GABRG3: variants seen among roughly 807,000 people sequenced by gnomAD.
GABRG3 encodes gamma-aminobutyric acid receptor subunit gamma-3.
A neutral mutation model predicts 48.8 loss-of-function variants in GABRG3; 25 were observed. The ratio of observed to expected loss-of-function variants is 0.51; its 90% CI spans 0.37 to 0.72. GABRG3 has a LOEUF of 0.72. Ranked by LOEUF, GABRG3 falls within the 30% of genes least tolerant of loss-of-function variation. The pLI is 0.00. For synonymous variants in GABRG3, 227 were observed against 217.6 expected (o/e 1.04, Z -0.38); for missense variants, 394 against 577.9 (o/e 0.68, Z 3.26).
rs563556932 is a variant in GABRG3 at position 27,087,887 on chromosome 15, G to GGT, written c.270+61076_270+61077dup. ...GTGGGGTGTGTGTGGTGTGCTATGG[G>GGT]GTGTGTGTGTGCATGTGTGAGTGTG... On this transcript the variant is annotated intron_variant, in intron 3 of 9. Transcript: ENST00000615808. Among the ~76,000 whole-genome samples the GGT allele has an allele frequency of 2.3e-3, 344 of 149,510 alleles. 3 individuals are homozygous for GGT. The highest frequency in any genetic ancestry group is 7.6e-3 in the African/African-American group (310 of 40,586).
intron 3 of GABRG3, among the ~76,000 whole-genome samples, chr15:27,137,924 A>C (rs1898038174): frequency 6.6e-6 from 1 of 152,142 alleles, no homozygotes; most frequent in African/African-American, 2.4e-5. Flanking sequence ...GCTGTGACAA[A>C]GTCTTTGTTA....
intron 2 of GABRG3, among the ~76,000 whole-genome samples, chr15:27,024,488 A>G (rs1879541744): frequency 6.6e-6 from 1 of 152,180 alleles, no homozygotes; most frequent in African/African-American, 2.4e-5. Context: ...TTTATGGCAT[A>G]AGGTAAGGGT....
chr15:27,151,470 T>C (rs1044523540), intron 3 of GABRG3, among the ~76,000 whole-genome samples: 1 of 152,004 alleles, frequency 6.6e-6, no homozygotes, highest in Non-Finnish European at 1.5e-5. Flanking sequence ...CTGGGCAGAA[T>C]AAGAGCCTAC....
intron 3 of GABRG3, among the ~76,000 whole-genome samples, chr15:27,278,536 A>G (rs1724804888): frequency 6.6e-6 from 1 of 152,106 alleles, no homozygotes; most frequent in South Asian, 2.1e-4. Flanking sequence ...TGGGTTTTGA[A>G]TTGAATTGTA....
At chr15:27,102,110 C>T (rs2140365536) in intron 3 of GABRG3, among the ~76,000 whole-genome samples, 1 of 152,322 alleles carries the variant, frequency 6.6e-6, no homozygotes, top group Non-Finnish European at 1.5e-5. Flanking sequence ...TGTGGGATGT[C>T]TTCCAAAGTG....
chr15:27,283,473 G>A lies in GABRG3; in HGVS notation c.271-43336G>A, dbSNP rs116432189. Among the ~76,000 whole-genome samples, 1,043 of 152,250 alleles carry A rather than the reference G, an allele frequency of 6.9e-3. 13 individuals carry two copies. Among genetic ancestry groups the A allele is most frequent in the African/African-American group, 0.024 (998 of 41,552 alleles). ...ACAAAAATTAGCCAGGCTTGATGGTGTGTGCTTGTAATCCCAGCTATCTGG... is the reference window on the plus strand; with the variant it reads ...ACAAAAATTAGCCAGGCTTGATGGTATGTGCTTGTAATCCCAGCTATCTGG... On this transcript the variant is annotated intron_variant, in intron 3 of 9. Transcript: ENST00000615808.
chr15:27,262,099 A>G (rs1487779056), intron 3 of GABRG3, among the ~76,000 whole-genome samples: 2 of 152,216 alleles, frequency 1.3e-5, no homozygotes, highest in African/African-American at 4.8e-5. Flanking sequence ...GAAGTCAATG[A>G]TAAACATCCT....
At chr15:27,094,122 C>T (rs1897236414) in intron 3 of GABRG3, among the ~76,000 whole-genome samples, 1 of 152,164 alleles carries the variant, frequency 6.6e-6, no homozygotes, top group Non-Finnish European at 1.5e-5. Context: ...GCCCACAGAC[C>T]TGAATTAAGC....
chr15:27,270,357 C>T lies in GABRG3; in HGVS notation c.271-56452C>T, dbSNP rs541740009. Among the ~76,000 whole-genome samples the T allele has an allele frequency of 2.6e-4, 39 of 152,120 alleles. No homozygotes were observed. The South Asian group carries it at 4.8e-3, about 19-fold the overall frequency. ...CGTTGGTGTTGGTGTGGAGCTTGAC[C>T]GTGCCAGTTTGTTTAGTAGAGTCCC... On this transcript the variant is annotated intron_variant, in intron 3 of 9. Transcript: ENST00000615808.
At position 27,263,243 on chromosome 15, in the gene GABRG3, G is replaced by T. The variant is rs528857794; in HGVS notation, c.271-63566G>T. On this transcript the variant is annotated intron_variant, in intron 3 of 9. Transcript: ENST00000615808. ...TTTAAATTTAGCACAGAAATGTGGC[G>T]TTACAGCCAGAATCTTGTTTTCCAG... Among the ~76,000 whole-genome samples, 8 of 152,316 alleles carry T rather than the reference G, an allele frequency of 5.3e-5. No individual in the cohort carries two copies. In the South Asian group the frequency reaches 1.7e-3, roughly 32 times the overall value.
intron 5 of GABRG3, among the ~76,000 whole-genome samples, chr15:27,342,965 G>A (rs1894238304): frequency 6.6e-6 from 1 of 152,206 alleles, no homozygotes; most frequent in South Asian, 2.1e-4. Context: ...AGTGCCAAGG[G>A]GATGCGCTCA....
chr15:27,284,391 A>G lies in GABRG3; in HGVS notation c.271-42418A>G, dbSNP rs114412672. On this transcript the variant is annotated intron_variant, in intron 3 of 9. Transcript: ENST00000615808. ...TATTTGCCAAGTGACCCTTGATATCAGTGGCATGAAAAAATAGAAACAGGA... is the reference window on the plus strand; with the variant it reads ...TATTTGCCAAGTGACCCTTGATATCGGTGGCATGAAAAAATAGAAACAGGA... Among the ~76,000 whole-genome samples the G allele has an allele frequency of 6.9e-3, 1,053 of 152,364 alleles. 13 individuals are homozygous for G. Among genetic ancestry groups the G allele is most frequent in the African/African-American group, 0.024 (1,008 of 41,582 alleles).
At chr15:27,246,908 G>A (rs1481644476) in intron 3 of GABRG3, among the ~76,000 whole-genome samples, 1 of 152,204 alleles carries the variant, frequency 6.6e-6, no homozygotes, top group Non-Finnish European at 1.5e-5. Flanking sequence ...TGTGCTTGAT[G>A]ATTGCGTGTG....
intron 3 of GABRG3, among the ~76,000 whole-genome samples, chr15:27,214,290 G>T (rs907051293): frequency 1.2e-4 from 18 of 152,204 alleles, no homozygotes; most frequent in African/African-American, 4.3e-4. Context: ...TAGATGCAAG[G>T]CTACTTACTT....
In GABRG3 at chr15:27,047,913, A is replaced by G. The variant is rs188456932; in HGVS notation, c.270+21092A>G. Among the ~76,000 whole-genome samples the G allele has an allele frequency of 3.0e-3, 451 of 152,334 alleles. 2 individuals are homozygous for G. Among genetic ancestry groups the G allele is most frequent in the African/African-American group, 0.01 (424 of 41,574 alleles). On this transcript the variant is annotated intron_variant, in intron 3 of 9. Transcript: ENST00000615808. ...GGTGGTCATTTTGCTAAATGTGTTG[A>G]ACCCAGATAAAAATTTAAATTGTGA...
At chr15:27,406,523 C>T (rs1367854766) in intron 5 of GABRG3, among the ~76,000 whole-genome samples, 1 of 152,158 alleles carries the variant, frequency 6.6e-6, no homozygotes, top group East Asian at 1.9e-4. Flanking sequence ...CCCTAAAACA[C>T]TCATGCACAT....
At chr15:27,479,726 C>T (rs1890050137) in intron 5 of GABRG3, among the ~76,000 whole-genome samples, 2 of 152,138 alleles carry the variant, frequency 1.3e-5, no homozygotes, top group Admixed American at 6.5e-5. Context: ...CTGAGAATGC[C>T]AATGCTGTCA....
chr15:27,000,393 C>T (rs1895421409), intron 2 of GABRG3, among the ~76,000 whole-genome samples: 1 of 152,166 alleles, frequency 6.6e-6, no homozygotes, highest in East Asian at 1.9e-4. Context: ...AATTACTCCC[C>T]ACTACTGAGT....
intron 3 of GABRG3, among the ~76,000 whole-genome samples, chr15:27,301,481 A>G (rs1322248787): frequency 6.6e-6 from 1 of 152,142 alleles, no homozygotes; most frequent in African/African-American, 2.4e-5. Flanking sequence ...ATTCAGGAAA[A>G]TAACTGTCAG....
Sources: allele counts gnomAD v4.1 joint callset (sites outside exome capture counted in the v4.1 genomes callset), GRCh38; gene constraint gnomAD v4.1.1; transcripts MANE v1.5; gene names NCBI Gene and HGNC (gene_info 2026-07-23, HGNC 2026-07-21).